INPP4B: variants seen among roughly 807,000 people sequenced by gnomAD.
INPP4B encodes the protein inositol polyphosphate 4-phosphatase type II.
A neutral mutation model predicts 122.5 loss-of-function variants in INPP4B; 55 were observed. The observed-to-expected ratio is 0.45, with a 90% CI of 0.36 to 0.56. The LOEUF is 0.56. Among genes scored for constraint, INPP4B ranks in the 20% least tolerant of loss-of-function variants. The pLI is 0.00. For synonymous variants in INPP4B, 403 were observed against 388.7 expected (o/e 1.04, Z -0.43); for missense variants, 1,000 against 1,097.7 (o/e 0.91, Z 1.26).
chr4:142,193,521 C>T (rs980209986), intron 14 of INPP4B, among the ~76,000 whole-genome samples: 2 of 151,996 alleles, frequency 1.3e-5, no homozygotes, highest in African/African-American at 4.8e-5. Flanking sequence ...GTGTATTTTA[C>T]TTCATTGAGT....
At chr4:142,786,063 G>A (rs1580912869) in intron 1 of INPP4B, among the ~76,000 whole-genome samples, 1 of 152,108 alleles carries the variant, frequency 6.6e-6, no homozygotes, top group East Asian at 1.9e-4. Flanking sequence ...TCTTTTTTCT[G>A]TCAACTGAGA....
chr4:142,450,063 C>T (rs1002337565), intron 3 of INPP4B, among the ~76,000 whole-genome samples: 7 of 152,146 alleles, frequency 4.6e-5, no homozygotes, highest in African/African-American at 1.2e-4. Context: ...AAGTTGACCT[C>T]TTTGTGATGG....
chr4:142,526,184 C>G (rs949110470), intron 2 of INPP4B, among the ~76,000 whole-genome samples: 17 of 151,972 alleles, frequency 1.1e-4, no homozygotes, highest in African/African-American at 3.9e-4. Flanking sequence ...CCCTTTCTGG[C>G]ACCAGAAAGA....
At chr4:142,055,530 C>G (rs1908923) in intron 25 of INPP4B, among the ~76,000 whole-genome samples, 123,600 of 151,862 alleles carry the variant, frequency 0.81, 52,437 homozygotes, top group Non-Finnish European at 0.92. Flanking sequence ...CTTAAAATTA[C>G]TACAAAAGTG....
intron 2 of INPP4B, among the ~76,000 whole-genome samples, chr4:142,471,728 G>A (rs141412178): frequency 1.3e-3 from 201 of 152,232 alleles, no homozygotes; most frequent in Admixed American, 5.1e-3. Context: ...AGCAGTGCTC[G>A]TGTGTATTTA....
chr4:142,656,201 C>A (rs1754102289), intron 2 of INPP4B, among the ~76,000 whole-genome samples: 1 of 152,290 alleles, frequency 6.6e-6, no homozygotes, highest in Admixed American at 6.5e-5. Flanking sequence ...AGACTCTGGC[C>A]AGTTTGCCCA....
chr4:142,352,879 C>T (rs1269034909), intron 7 of INPP4B, among the ~76,000 whole-genome samples: 2 of 151,852 alleles, frequency 1.3e-5, no homozygotes, highest in Non-Finnish European at 2.9e-5. Context: ...GCTACGTTAT[C>T]CATGGAAACT....
intron 2 of INPP4B, among the ~76,000 whole-genome samples, chr4:142,572,340 G>C (rs752251280): frequency 2.2e-4 from 33 of 152,056 alleles, no homozygotes; most frequent in Non-Finnish European, 4.0e-4. Flanking sequence ...AGAGAGCTGT[G>C]GGGTATCTAC....
At chr4:142,658,423 T>C (rs78079093) in intron 2 of INPP4B, among the ~76,000 whole-genome samples, 3 of 152,230 alleles carry the variant, frequency 2.0e-5, no homozygotes, top group African/African-American at 7.2e-5. Flanking sequence ...ACTTTTGGTT[T>C]AAATATTGCT....
chr4:142,075,799 A>C (rs2152503405), intron 25 of INPP4B, among the ~76,000 whole-genome samples: 1 of 152,118 alleles, frequency 6.6e-6, no homozygotes, highest in Admixed American at 6.6e-5. Context: ...TTCACACGTT[A>C]GGAAACTGAG....
intron 7 of INPP4B, among the ~76,000 whole-genome samples, chr4:142,344,488 A>T (rs966837222): frequency 3.3e-5 from 5 of 152,064 alleles, no homozygotes; most frequent in Admixed American, 2.6e-4. Context: ...GTTGACAGTG[A>T]TATACTCCTA....
At chr4:142,677,588 A>C (rs1457761181) in intron 2 of INPP4B, among the ~76,000 whole-genome samples, 1 of 152,184 alleles carries the variant, frequency 6.6e-6, no homozygotes, top group East Asian at 1.9e-4. Context: ...ACTTGGAACC[A>C]ACCCAAATGC....
intron 2 of INPP4B, among the ~76,000 whole-genome samples, chr4:142,465,639 T>A (rs1206538977): frequency 6.6e-6 from 1 of 152,120 alleles, no homozygotes; most frequent in African/African-American, 2.4e-5. Flanking sequence ...TTTGTGGCCT[T>A]TGATATGGGG....
intron 25 of INPP4B, chr4:142,029,519 CT>C (rs1234642538): frequency 6.1e-5 from 60 of 985,454 alleles, no homozygotes; most frequent in Non-Finnish European, 7.1e-5. Context: ...CAAACAAGAC[CT>C]TGTTAAAAAG....
chr4:142,502,974 T>C (rs1254052600), intron 2 of INPP4B, among the ~76,000 whole-genome samples: 1 of 152,168 alleles, frequency 6.6e-6, no homozygotes, highest in East Asian at 1.9e-4. Flanking sequence ...AACTGAGATT[T>C]CTCATATGAA....
intron 5 of INPP4B, among the ~76,000 whole-genome samples, chr4:142,420,276 T>A (rs917638064): frequency 1.3e-5 from 2 of 152,166 alleles, no homozygotes; most frequent in South Asian, 4.1e-4. Flanking sequence ...GAAGAATAGA[T>A]CTATTTTATG....
At chr4:142,052,824 C>T (rs1755415726) in intron 25 of INPP4B, among the ~76,000 whole-genome samples, 1 of 151,940 alleles carries the variant, frequency 6.6e-6, no homozygotes, top group Non-Finnish European at 1.5e-5. Context: ...TCTCTATAAG[C>T]CCACAGTCTA....
At chr4:142,768,610 T>A (rs1164231885) in intron 1 of INPP4B, among the ~76,000 whole-genome samples, 4 of 152,210 alleles carry the variant, frequency 2.6e-5, no homozygotes, top group Non-Finnish European at 5.9e-5. Context: ...AGGAATTTAA[T>A]AAAGTAATTC....
chr4:142,314,924 A>G (rs1284876958), intron 7 of INPP4B, among the ~76,000 whole-genome samples, 162 bp from the exon 8 acceptor site: 2 of 152,188 alleles, frequency 1.3e-5, no homozygotes, highest in African/African-American at 4.8e-5. Context: ...AGTGCAATGA[A>G]GCTGTGCTGT....
Sources: allele counts gnomAD v4.1 joint callset (sites outside exome capture counted in the v4.1 genomes callset), GRCh38; gene constraint gnomAD v4.1.1; transcripts MANE v1.5; gene names NCBI Gene and HGNC (gene_info 2026-07-23, HGNC 2026-07-21).